TRANK1: variants seen among roughly 807,000 people sequenced by gnomAD.
TRANK1 encodes tetratricopeptide repeat and ankyrin repeat containing 1.
A neutral mutation model predicts 266.0 loss-of-function variants in TRANK1; 198 were observed. The observed-to-expected ratio is 0.74, with a 90% confidence interval of 0.66 to 0.84. The LOEUF (loss-of-function observed/expected upper bound fraction) is 0.84, where lower values mean the gene tolerates loss of function less well. TRANK1 is among the 40% of genes least tolerant of loss of function. The pLI is 0.00. For synonymous variants in TRANK1, 1,396 were observed against 1,384.1 expected, an observed-to-expected ratio of 1.01 and a Z score of -0.19; for missense variants, 3,326 against 3,634.6, an observed-to-expected ratio of 0.92 and a Z score of 2.18.
At chr3:36,850,052 A>C in intron 15 of TRANK1, 1 of 985,454 alleles carries the variant, frequency 1.0e-6, no homozygotes, top group Non-Finnish European at 1.2e-6. Flanking sequence ...AAATAGAGCC[A>C]ACCACAATTT....
In TRANK1 at chr3:36,847,204, T is replaced by A. The variant is rs369403505; in HGVS notation, c.5030A>T (p.Tyr1677Phe). 3.4e-5 allele frequency: 55 copies of A among 1,612,800 alleles called. No homozygotes were observed. The African/African-American group carries it at 7.3e-4, about 22-fold the overall frequency. ...GRSLMVNPEM[Y>F]KLLNGELKQL... Reference sequence around the variant, plus strand: ...TGACAAATGGCAGAAATTCACCTTGTACATTTCTGGATTCACCATGAGAGA... The same window carrying A: ...TGACAAATGGCAGAAATTCACCTTGAACATTTCTGGATTCACCATGAGAGA... The change falls in exon 16 of 24, where the codon TAC becomes TTC. Residue 1677 changes from tyrosine (Y) to phenylalanine (F), a missense_variant. Transcript: ENST00000645898.
intron 8 of TRANK1, among the ~76,000 whole-genome samples, chr3:36,879,945 TGCAA>T (rs1559449461): frequency 8.1e-4 from 10 of 12,386 alleles, no homozygotes; most frequent in Non-Finnish European, 1.2e-3. Context: ...TATGTAAACA[TGCAA>T]ATATATGTAA....
At chr3:36,892,000 C>T (rs1271617196) in intron 7 of TRANK1, among the ~76,000 whole-genome samples, 3 of 152,206 alleles carry the variant, frequency 2.0e-5, no homozygotes, top group Admixed American at 1.3e-4. Context: ...TCCGTTTGGA[C>T]CTCCTGCAGC....
intron 5 of TRANK1, among the ~76,000 whole-genome samples, chr3:36,894,534 C>T (rs546523291): frequency 6.6e-6 from 1 of 152,280 alleles, no homozygotes; most frequent in Non-Finnish European, 1.5e-5. Context: ...CTTCCTCAAC[C>T]CTGCTGCCTG....
rs1225663209 is a variant in TRANK1, at chr3:36,855,872, T to A, written c.3850A>T (p.Thr1284Ser). Residue 1284 changes from threonine to serine, a missense_variant, in exon 13 of 24, where the codon ACC becomes TCC. Physicochemically the swap from Thr to Ser is moderately conservative, Grantham distance 58. Coordinates refer to ENST00000645898, the MANE Select transcript of TRANK1 (RefSeq NM_001329998.2). ...TCATCCTCTTGCCAACTAGGAATGG[T>A]TGACTCTTCCTGTGCAGACCATCCT... ...IIGWSAQEES[T>S]IPSWQEDEEE... The A allele has an allele frequency of 6.2e-7, 1 of 1,613,518 alleles. No homozygotes were observed. The highest frequency in any genetic ancestry group is 1.3e-5 in the African/African-American group (1 of 74,784).
chr3:36,850,604 AT>A (rs1297505276), intron 15 of TRANK1: 9 of 769,740 alleles, frequency 1.2e-5, no homozygotes, highest in Non-Finnish European at 1.4e-5. Context: ...CCATATCTCT[AT>A]AAAAATAAAA....
intron 1 of TRANK1, among the ~76,000 whole-genome samples, chr3:36,936,090 T>C (rs551859170): frequency 6.6e-6 from 1 of 152,336 alleles, no homozygotes; most frequent in Admixed American, 6.5e-5. Flanking sequence ...TGAGCAATTC[T>C]AGTCCTGGAG....
At chr3:36,873,399 CAT>C (rs2079337980) in intron 9 of TRANK1, among the ~76,000 whole-genome samples, 1 of 152,232 alleles carries the variant, frequency 6.6e-6, no homozygotes, top group Middle Eastern at 3.4e-3. Flanking sequence ...AAAATATATA[CAT>C]GTTTCATTAA....
At chr3:36,853,620 C>G (rs889502432) in intron 13 of TRANK1, among the ~76,000 whole-genome samples, 2 of 152,092 alleles carry the variant, frequency 1.3e-5, no homozygotes, top group African/African-American at 4.8e-5. Context: ...AAATGGCCTT[C>G]TAGGGAACTA....
intron 1 of TRANK1, among the ~76,000 whole-genome samples, chr3:36,937,166 A>C (rs960962409): frequency 7.2e-5 from 11 of 152,332 alleles, no homozygotes; most frequent in Middle Eastern, 3.4e-3. Flanking sequence ...ATGGAGTCTC[A>C]GTCATTCAAC....
At chr3:36,840,105 T>C (rs756440292) in intron 18 of TRANK1, among the ~76,000 whole-genome samples, 1 of 152,182 alleles carries the variant, frequency 6.6e-6, no homozygotes, top group Non-Finnish European at 1.5e-5. Context: ...GCAACACATA[T>C]GGGTAACAGC....
At chr3:36,846,138 A>AAAAG (rs2078910979) in intron 17 of TRANK1, 110 bp downstream of exon 17, 1 of 1,165,540 alleles carries the variant, frequency 8.6e-7, no homozygotes, top group South Asian at 1.7e-5. Context: ...AAGATTGTGG[A>AAAAG]AAAGAAAGAA....
chr3:36,895,110 A>G (rs1166729250), intron 5 of TRANK1, among the ~76,000 whole-genome samples: 3 of 152,244 alleles, frequency 2.0e-5, no homozygotes, highest in Admixed American at 2.0e-4. Flanking sequence ...CCAAAATAGT[A>G]AGTGGGGGAT....
chr3:36,925,355 G>C (rs112329832), intron 1 of TRANK1, among the ~76,000 whole-genome samples: 5 of 152,246 alleles, frequency 3.3e-5, no homozygotes, highest in African/African-American at 9.6e-5. Context: ...GGGTTAAGTA[G>C]AATCATCTAA....
chr3:36,857,498 G>C lies in TRANK1; in HGVS notation c.2224C>G (p.Gln742Glu), dbSNP rs746737308. Residue 742 changes from glutamine (Q) to glutamate (E), a missense_variant, in exon 13 of 24, where the codon CAG becomes GAG. Physicochemically the swap from Gln to Glu is conservative, Grantham distance 29. Coordinates refer to ENST00000645898, the MANE Select transcript of TRANK1 (RefSeq NM_001329998.2). The surrounding 1 kb of genome is among the most constrained non-coding windows in gnomAD (Gnocchi z 4.3). ...GGGAAAGACGGATCCACTTCAACCTGCTGAATCAAAACTGTGATGTCCTGC... is the reference window on the plus strand; with the variant it reads ...GGGAAAGACGGATCCACTTCAACCTCCTGAATCAAAACTGTGATGTCCTGC... ...LMQDITVLIQ[Q>E]VEVDPSFPED... 6.2e-7 allele frequency: 1 copy of C among 1,613,936 alleles called. No homozygotes were observed. Among genetic ancestry groups the C allele is most frequent in the Non-Finnish European group, 8.5e-7 (1 of 1,179,860 alleles).
intron 4 of TRANK1, among the ~76,000 whole-genome samples, chr3:36,898,805 C>T (rs568471477): frequency 1.3e-5 from 2 of 149,676 alleles, no homozygotes; most frequent in African/African-American, 2.5e-5. Context: ...GAGCCAAGAT[C>T]GCATCACTGC....
rs1440732216 is a variant in TRANK1 at position 36,859,686 on chromosome 3, A to T, written c.1496-792T>A. ...ACTATAGATCTGCAGTCTCCTCCACACACTTCCAGCAGCTGCGCACTCACC... is the reference window on the plus strand; with the variant it reads ...ACTATAGATCTGCAGTCTCCTCCACTCACTTCCAGCAGCTGCGCACTCACC... On this transcript the variant is annotated intron_variant, in intron 11 of 23. Coordinates refer to ENST00000645898, the MANE Select transcript of TRANK1 (RefSeq NM_001329998.2). Among the ~76,000 whole-genome samples the T allele has an allele frequency of 2.6e-5, 4 of 152,020 alleles. No individual in the cohort carries two copies. In the South Asian group the frequency reaches 6.2e-4, roughly 24 times the overall value.
chr3:36,868,325 T>C (rs2079257834), intron 9 of TRANK1, among the ~76,000 whole-genome samples: 1 of 152,242 alleles, frequency 6.6e-6, no homozygotes, highest in South Asian at 2.1e-4. Context: ...TTATACATCA[T>C]TTTGCTTAAA....
chr3:36,922,329 G>C (rs1467242074), intron 1 of TRANK1, among the ~76,000 whole-genome samples: 1 of 152,140 alleles, frequency 6.6e-6, no homozygotes, highest in Non-Finnish European at 1.5e-5. Flanking sequence ...TTCAGGGCCG[G>C]GCGCAGTGGC....
Sources: gnomAD v4.1 joint callset for allele counts (sites outside exome capture counted in the v4.1 genomes callset) on GRCh38, gnomAD v4.1.1 for gene constraint, Gnocchi (gnomAD v3.1) non-coding constraint, MANE v1.5 for transcripts, NCBI Gene and HGNC (gene_info 2026-07-23, HGNC 2026-07-21) for gene names.